NPEPPS: variants seen among roughly 807,000 people sequenced by gnomAD.
NPEPPS encodes the protein aminopeptidase puromycin sensitive.
A neutral mutation model predicts 115.5 loss-of-function variants in NPEPPS; 14 were observed. The ratio of observed to expected loss-of-function variants is 0.12; its 90% confidence interval spans 0.08 to 0.19. The LOEUF (loss-of-function observed/expected upper bound fraction) is 0.19, where lower values mean the gene tolerates loss of function less well. NPEPPS is among the 10% of genes least tolerant of loss of function. NPEPPS has a pLI of 1.00. For missense variants in NPEPPS, 523 were observed against 1,110.8 expected, an observed-to-expected ratio of 0.47 and a Z score of 7.52; for synonymous variants, 285 against 390.6, an observed-to-expected ratio of 0.73 and a Z score of 3.19.
At chr17:47,535,644 C>G (rs1307609911) in intron 1 of NPEPPS, among the ~76,000 whole-genome samples, 1 of 150,654 alleles carries the variant, frequency 6.6e-6, no homozygotes, top group East Asian at 1.9e-4. Flanking sequence ...TCTCTAGGCC[C>G]AAAATTTATT....
In NPEPPS at chr17:47,601,641, C is replaced by A. The variant is rs758613691; in HGVS notation, c.1634C>A (p.Thr545Lys). 1.7e-5 allele frequency: 28 copies of A among 1,612,778 alleles called. 1 individual carries two copies. The South Asian group carries it at 3.1e-4, about 18-fold the overall frequency. The change falls in exon 15 of 23, where the codon ACA (threonine) becomes AAA (lysine). Residue 545 changes from threonine to lysine, a missense_variant. Thr to Lys is a moderately conservative substitution (Grantham distance 78, BLOSUM62 -1). This residue lies in a region of NPEPPS where 372 missense variants were observed against 542.6 expected (regional missense o/e 0.69). Transcript: ENST00000322157. ...EDCPQWMVPI[T>K]ISTSEDPNQA... is the part of the protein sequence containing the mutation. The stretch of plus-strand genomic sequence containing the variant: ...TGTCCCCAGTGGATGGTCCCTATCA[C>A]AATCTCTACTAGTGAAGACCCCAAC...
intron 5 of NPEPPS, among the ~76,000 whole-genome samples, chr17:47,583,912 A>T (rs1020499787): frequency 7.4e-6 from 1 of 134,872 alleles, no homozygotes; most frequent in Non-Finnish European, 1.6e-5. Context: ...ACAGAACAAG[A>T]CCCCATCTCT....
intron 2 of NPEPPS, among the ~76,000 whole-genome samples, chr17:47,556,073 CTTTTTTTT>C (rs747406184): frequency 5.0e-5 from 4 of 80,734 alleles, no homozygotes; most frequent in East Asian, 3.5e-4. Context: ...AAGCAATTCT[CTTTTTTTT>C]TTTTTTTTTT....
At chr17:47,615,357 T>C (rs1042764246) in intron 19 of NPEPPS, among the ~76,000 whole-genome samples, 8 of 152,196 alleles carry the variant, frequency 5.3e-5, no homozygotes, top group African/African-American at 1.7e-4. Flanking sequence ...ATTATAGGCA[T>C]GAGCCACCAT....
chr17:47,586,314 G>A lies in NPEPPS; in HGVS notation c.947-51G>A, dbSNP rs1021036057. 2.9e-5 allele frequency: 29 copies of A among 1,007,608 alleles called. No homozygotes were observed. The African/African-American group carries it at 3.6e-4, about 12-fold the overall frequency. The allele number at this position is 1,007,608 out of a possible 1,614,324, so 62.4% of individuals were successfully genotyped here. On this transcript the variant is annotated intron_variant, in intron 7 of 22. Coordinates refer to ENST00000322157, the MANE Select transcript of NPEPPS (RefSeq NM_006310.4). ...AAATTTTGTGACTTTTGATGCAAGA[G>A]TATATATATATATATATATATCAAT...
chr17:47,538,202 C>CTT (rs543559258), intron 1 of NPEPPS, among the ~76,000 whole-genome samples: 3,128 of 58,450 alleles, frequency 0.054, 479 homozygotes, highest in Non-Finnish European at 0.087. Context: ...CATATCTGTT[C>CTT]TTTTTTTTTT....
At chr17:47,546,247 G>A (rs995686456) in intron 2 of NPEPPS, among the ~76,000 whole-genome samples, 3 of 151,948 alleles carry the variant, frequency 2.0e-5, no homozygotes, top group Admixed American at 6.6e-5. Context: ...GCCACGTGGC[G>A]AAACAAAAAC....
At chr17:47,563,053 A>G (rs1304435203) in intron 2 of NPEPPS, among the ~76,000 whole-genome samples, 2 of 147,782 alleles carry the variant, frequency 1.4e-5, no homozygotes, top group African/African-American at 5.0e-5. Context: ...TTTTTTTGAG[A>G]TGGAGTCTCG....
chr17:47,584,746 A>G (rs1438420204), intron 5 of NPEPPS, among the ~76,000 whole-genome samples: 3 of 152,162 alleles, frequency 2.0e-5, no homozygotes, highest in Non-Finnish European at 4.4e-5. Context: ...TTCTTCACAA[A>G]TAAGCTTAGA....
At chr17:47,577,943 T>C (rs992560412) in intron 3 of NPEPPS, among the ~76,000 whole-genome samples, 2 of 152,186 alleles carry the variant, frequency 1.3e-5, no homozygotes, top group Admixed American at 1.3e-4. Context: ...CAGTGGCTCA[T>C]GCCTGTAATC....
chr17:47,562,989 G>A (rs1325987462), intron 2 of NPEPPS, among the ~76,000 whole-genome samples: 2 of 150,308 alleles, frequency 1.3e-5, no homozygotes, highest in African/African-American at 4.9e-5. Context: ...TTTTGATTTT[G>A]CTTATGGTCA....
rs929402636 is a variant in NPEPPS at position 47,548,104 on chromosome 17, C to G, written c.340+2111C>G. On this transcript the variant is annotated intron_variant, in intron 2 of 22. Transcript: ENST00000322157. ...CTTACATTTTATATTTTGATTTCCT[C>G]TCTCCTTTACATTATACTGAAAAGA... 2.6e-5 allele frequency: 4 copies of G among 152,262 alleles called. No individual in the cohort carries two copies. The South Asian group carries it at 8.3e-4, about 32-fold the overall frequency. The allele number at this position is 152,262 out of a possible 1,614,324, so 9.4% of individuals were successfully genotyped here.
rs114196673 is a variant in NPEPPS, at chr17:47,613,744, G to T, written c.2295+19G>T. 980 of 1,594,360 alleles carry T rather than the reference G, an allele frequency of 6.1e-4. 8 individuals carry two copies. In the African/African-American group the frequency reaches 0.012, roughly 20 times the overall value. On this transcript the variant is annotated intron_variant, in intron 19 of 22. Transcript: ENST00000322157. Reference sequence around the variant, plus strand: ...GTTAAAAGTAAGTATATTTGAGAAGGCTCCCATTTCCTGCTTTTGAACTTG... The same window carrying T: ...GTTAAAAGTAAGTATATTTGAGAAGTCTCCCATTTCCTGCTTTTGAACTTG...
At chr17:47,550,453 T>C (rs1909567927) in intron 2 of NPEPPS, among the ~76,000 whole-genome samples, 1 of 150,790 alleles carries the variant, frequency 6.6e-6, no homozygotes, top group Admixed American at 6.6e-5. Context: ...AGAACTTGTT[T>C]TAAAATAATC....
Position 47,590,827 on chromosome 17 carries a change from T to A in NPEPPS, c.1206T>A (p.Ala402=), listed in dbSNP as rs772217947. ...ATATTTGGACTCAGTTTGTTTCTGC[T>A]GATTACACCCGTGCCCAGGAGCTTG... is the stretch of plus-strand genomic sequence containing the variant. ...EYDIWTQFVS[A]DYTRAQELDA... Residue 402 remains alanine (A), a synonymous_variant, in exon 10 of 23, where the codon GCT becomes GCA. Transcript: ENST00000322157. 7 of 1,608,672 alleles carry A rather than the reference T, an allele frequency of 4.4e-6. No individual in the cohort carries two copies. The South Asian group carries it at 7.7e-5, about 18-fold the overall frequency.
chr17:47,541,898 T>G (rs1908795222), intron 1 of NPEPPS, among the ~76,000 whole-genome samples: 1 of 152,244 alleles, frequency 6.6e-6, no homozygotes, highest in South Asian at 2.1e-4. Context: ...AGCATTTTTT[T>G]TGTGAGCCAA....
At chr17:47,552,342 C>G (rs141572956) in intron 2 of NPEPPS, among the ~76,000 whole-genome samples, 8,159 of 152,160 alleles carry the variant, frequency 0.054, 396 homozygotes, top group African/African-American at 0.11. Flanking sequence ...ATAAACAACC[C>G]TTAAGTATCA....
At chr17:47,585,323 C>G (rs979337734) in intron 5 of NPEPPS, among the ~76,000 whole-genome samples, 177 bp from the exon 6 acceptor site, 3 of 152,108 alleles carry the variant, frequency 2.0e-5, no homozygotes, top group Non-Finnish European at 2.9e-5. Context: ...TTTTATCAGA[C>G]CACTTTCCTT....
At chr17:47,572,839 G>A (rs112107955) in intron 3 of NPEPPS, among the ~76,000 whole-genome samples, 1 of 152,068 alleles carries the variant, frequency 6.6e-6, no homozygotes, top group Non-Finnish European at 1.5e-5. Context: ...GTAGTGGTGC[G>A]ATCTCGGCTC....
Sources: gnomAD v4.1 joint callset for allele counts (sites outside exome capture counted in the v4.1 genomes callset) on GRCh38, gnomAD v4.1.1 for gene constraint, gnomAD v4.1.1 regional missense constraint, MANE v1.5 for transcripts, NCBI Gene and HGNC (gene_info 2026-07-23, HGNC 2026-07-21) for gene names.